MICAL2: variants seen among roughly 807,000 people sequenced by gnomAD.
MICAL2 encodes microtubule associated monooxygenase, calponin and LIM domain containing 2.
MICAL2 carries 77 observed loss-of-function variants against 127.3 expected under a neutral mutation model. The ratio of observed to expected loss-of-function variants is 0.60; its 90% CI spans 0.50 to 0.73. MICAL2 has a LOEUF of 0.73. Among genes scored for constraint, MICAL2 ranks in the 30% least tolerant of loss-of-function variants. MICAL2 has a pLI of 0.00. For synonymous variants in MICAL2, 570 were observed against 551.1 expected (o/e 1.03, Z -0.48); for missense variants, 1,351 against 1,434.4 (o/e 0.94, Z 0.94).
chr11:12,354,893 C>A (rs1010269459), intron 34 of MICAL2: 2 of 1,588,624 alleles, frequency 1.3e-6, no homozygotes, highest in Non-Finnish European at 1.7e-6. Context: ...GAACTTCCCC[C>A]TAGAAAGGCT....
At chr11:12,193,299 C>T (rs956104504) in intron 3 of MICAL2, among the ~76,000 whole-genome samples, 2 of 152,234 alleles carry the variant, frequency 1.3e-5, no homozygotes, top group African/African-American at 2.4e-5. Context: ...GCCTTGCACT[C>T]CTTGGCTCCA....
intron 3 of MICAL2, among the ~76,000 whole-genome samples, chr11:12,187,163 T>G (rs118138682): frequency 3.9e-3 from 591 of 152,340 alleles, no homozygotes; most frequent in Admixed American, 8.4e-3. Context: ...CTTCCTGCCC[T>G]CATTCATCTT....
At chr11:12,333,455 C>G (rs764423801) in intron 32 of MICAL2, among the ~76,000 whole-genome samples, 3 of 151,996 alleles carry the variant, frequency 2.0e-5, no homozygotes, top group African/African-American at 7.2e-5. Context: ...AGAAGCATTT[C>G]TTTAAAAATC....
At chr11:12,320,518 C>T (rs1864280985) in intron 30 of MICAL2, among the ~76,000 whole-genome samples, 1 of 151,974 alleles carries the variant, frequency 6.6e-6, no homozygotes, top group Non-Finnish European at 1.5e-5. Flanking sequence ...TTCACTGAGA[C>T]AGTAGAGTAC....
intron 31 of MICAL2, among the ~76,000 whole-genome samples, chr11:12,324,782 A>G (rs77760759): frequency 0.037 from 5,605 of 152,302 alleles, 373 homozygotes; most frequent in African/African-American, 0.13. Flanking sequence ...TATTTCTGAC[A>G]GAGTGACGTC....
intron 20 of MICAL2, 74 bp from the exon 21 acceptor site, chr11:12,243,913 G>A: frequency 6.4e-7 from 1 of 1,557,024 alleles, no homozygotes; most frequent in Non-Finnish European, 8.8e-7. Flanking sequence ...GCATGGGACT[G>A]CATGATTGAG....
intron 11 of MICAL2, among the ~76,000 whole-genome samples, chr11:12,223,161 A>T (rs112466878): frequency 0.012 from 1,844 of 152,284 alleles, 21 homozygotes; most frequent in Non-Finnish European, 0.016. Flanking sequence ...GTGAATTTTT[A>T]AAATTAGCTA....
chr11:12,250,602 G>GA (rs1284736816), intron 22 of MICAL2, among the ~76,000 whole-genome samples: 1 of 152,132 alleles, frequency 6.6e-6, no homozygotes, highest in Non-Finnish European at 1.5e-5. Flanking sequence ...TTAATTTGCT[G>GA]AAAAATAATT....
downstream of MICAL2, chr11:12,358,557 T>G (rs997128236): frequency 1.2e-5 from 17 of 1,385,678 alleles, no homozygotes; most frequent in Non-Finnish European, 1.7e-5. Flanking sequence ...TCATGGGTCT[T>G]TCTGCAGGAT....
intron 3 of MICAL2, among the ~76,000 whole-genome samples, chr11:12,185,762 A>G (rs76537026): frequency 0.013 from 1,907 of 152,284 alleles, 30 homozygotes; most frequent in East Asian, 0.058. Context: ...ACCCATATAC[A>G]GTGTGTAAAA....
intron 32 of MICAL2, among the ~76,000 whole-genome samples, chr11:12,327,561 A>G (rs539224986): frequency 1.5e-3 from 226 of 152,378 alleles, no homozygotes; most frequent in African/African-American, 5.1e-3. Flanking sequence ...ACTGGCTAAC[A>G]CGAATGTTCT....
Position 12,226,205 on chromosome 11 carries a change from G to A in MICAL2, c.1723G>A (p.Glu575Lys). ...CTCTTTGAATGAAGATGATGCTGTG[G>A]AGAACAACCAGCTCGCATTTGATGT... ...FDSLNEDDAVENNQLAFDVAE... is the reference protein window; with the variant it reads ...FDSLNEDDAVKNNQLAFDVAE... Residue 575 changes from glutamate to lysine, a missense_variant, in exon 14 of 28, where the codon GAG becomes AAG. Transcript: ENST00000683283. 6.2e-7 allele frequency: 1 copy of A among 1,614,250 alleles called. No homozygotes were observed. Among genetic ancestry groups the A allele is most frequent in the Non-Finnish European group, 8.5e-7 (1 of 1,180,056 alleles).
chr11:12,213,377 C>G lies in MICAL2; in HGVS notation c.814C>G (p.Gln272Glu), dbSNP rs1350500856. The G allele has an allele frequency of 6.2e-7, 1 of 1,613,918 alleles. No homozygotes were observed. The highest frequency in any genetic ancestry group is 8.5e-7 in the Non-Finnish European group (1 of 1,179,856). Residue 272 changes from glutamine to glutamate, a missense_variant, in exon 7 of 28, where the codon CAG becomes GAG. Physicochemically the swap from Gln to Glu is conservative, Grantham distance 29 (BLOSUM62 2). Transcript: ENST00000683283. Reference sequence around the variant, plus strand: ...TAGTGGTGTGGCTTTCATCTTCAATCAGAAATTTTTTCAGGACCTTAAAGA... The same window carrying G: ...TAGTGGTGTGGCTTTCATCTTCAATGAGAAATTTTTTCAGGACCTTAAAGA... ...EISGVAFIFN[Q>E]KFFQDLKEET...
chr11:12,340,817 A>T (rs1938851803), intron 32 of MICAL2, among the ~76,000 whole-genome samples: 1 of 152,266 alleles, frequency 6.6e-6, no homozygotes, highest in Admixed American at 6.5e-5. Context: ...GCCCAAAGTC[A>T]AGAAAAACTA....
chr11:12,168,750 C>T (rs1038776526), intron 3 of MICAL2, among the ~76,000 whole-genome samples: 11 of 150,864 alleles, frequency 7.3e-5, no homozygotes, highest in South Asian at 2.1e-4. Context: ...AGGGTGAGAC[C>T]GGGCAAGTGG....
intron 32 of MICAL2, among the ~76,000 whole-genome samples, chr11:12,332,662 G>A (rs1394779045): frequency 6.6e-6 from 1 of 152,178 alleles, no homozygotes; most frequent in East Asian, 1.9e-4. Flanking sequence ...CCCATGGTGT[G>A]ACATGATGAG....
chr11:12,150,069 G>T (rs1161133817), intron 2 of MICAL2, among the ~76,000 whole-genome samples: 1 of 152,174 alleles, frequency 6.6e-6, no homozygotes, highest in African/African-American at 2.4e-5. Flanking sequence ...TTTGATGGAT[G>T]AGTGGGAGGT....
At position 12,300,161 on chromosome 11, in the gene MICAL2, G is replaced by A. The variant is rs1221047474; in HGVS notation, c.5212+5304G>A. Among the ~76,000 whole-genome samples, 3 of 152,134 alleles carry A rather than the reference G, an allele frequency of 2.0e-5. No homozygotes were observed. In the East Asian group the frequency reaches 5.8e-4, roughly 29 times the overall value. The stretch of plus-strand genomic sequence containing the variant: ...AATACAAAAATTATCTGGGCATGGT[G>A]GCAGGTGCTGTAATCCCAGCTACTT... On this transcript the variant is annotated intron_variant, in intron 29 of 34. Transcript: ENST00000646065.
At chr11:12,334,053 T>C (rs570179130) in intron 32 of MICAL2, among the ~76,000 whole-genome samples, 51 of 152,260 alleles carry the variant, frequency 3.3e-4, no homozygotes, top group African/African-American at 1.1e-3. Context: ...ATGTGAAAAT[T>C]GAAACTTGAG....
Sources: gnomAD v4.1 joint callset for allele counts (sites outside exome capture counted in the v4.1 genomes callset) on GRCh38, gnomAD v4.1.1 for gene constraint, MANE v1.5 for transcripts, NCBI Gene and HGNC (gene_info 2026-07-23, HGNC 2026-07-21) for gene names.